Variants in FBXL2 observed in about 807,000 individuals in gnomAD.
FBXL2 encodes F-box and leucine rich repeat protein 2.
Under a neutral mutation model 69.2 loss-of-function variants are expected in FBXL2, and 38 were observed. The observed-to-expected ratio is 0.55, with a 90% CI of 0.42 to 0.72. The LOEUF is 0.72. Among genes scored for constraint, FBXL2 ranks in the 30% least tolerant of loss-of-function variants. The pLI is 0.00. For synonymous variants in FBXL2, 192 were observed against 201.3 expected, an observed-to-expected ratio of 0.95 and a Z score of 0.39; for missense variants, 354 against 520.3, an observed-to-expected ratio of 0.68 and a Z score of 3.11.
chr3:33,394,555 G>GCAGACATCTGCACAGTGCACAT (rs1289033868), intron 12 of FBXL2, among the ~76,000 whole-genome samples: 15 of 152,232 alleles, frequency 9.9e-5, no homozygotes, highest in African/African-American at 3.1e-4. Context: ...GAACTTATCA[G>GCAGACATCTGCACAGTGCACAT]CAGACATCTG....
At chr3:33,306,971 A>G (rs890109825) in intron 2 of FBXL2, among the ~76,000 whole-genome samples, 1 of 152,114 alleles carries the variant, frequency 6.6e-6, no homozygotes, top group Non-Finnish European at 1.5e-5. Flanking sequence ...GTTATATTTT[A>G]TATAGGAAAG....
At chr3:33,291,953 G>A (rs2125700580) in intron 1 of FBXL2, among the ~76,000 whole-genome samples, 1 of 152,198 alleles carries the variant, frequency 6.6e-6, no homozygotes, top group East Asian at 1.9e-4. Context: ...ATGAAACACA[G>A]ATTGAAAAAG....
At chr3:33,287,401 G>C (rs575795971) in intron 1 of FBXL2, among the ~76,000 whole-genome samples, 2 of 152,242 alleles carry the variant, frequency 1.3e-5, no homozygotes, top group South Asian at 2.1e-4. Context: ...TCTGTATCCA[G>C]TTCTGGGCTG....
chr3:33,307,889 A>G (rs989847999), intron 2 of FBXL2, among the ~76,000 whole-genome samples: 4 of 152,220 alleles, frequency 2.6e-5, no homozygotes, highest in Non-Finnish European at 5.9e-5. Context: ...GATTTTTTTA[A>G]AAAGTTATAA....
At chr3:33,377,356 A>G (rs1298327623) in intron 11 of FBXL2, 23 bp downstream of exon 11, 2 of 1,611,448 alleles carry the variant, frequency 1.2e-6, no homozygotes, top group South Asian at 2.2e-5. Flanking sequence ...TTTAAAGAAT[A>G]CAACCAAACT....
downstream of FBXL2, chr3:33,390,234 A>G: frequency 1.6e-6 from 2 of 1,236,850 alleles, no homozygotes; most frequent in Non-Finnish European, 2.3e-6. Flanking sequence ...AACATTTCAT[A>G]TGGTAAAATC....
At chr3:33,418,634 A>G in the FBXL2 span, among the ~76,000 whole-genome samples, 1 of 151,644 alleles carries the variant, frequency 6.6e-6, no homozygotes. Flanking sequence ...CGAGGCGGGC[A>G]GATCACCTGA....
intron 2 of FBXL2, chr3:33,300,703 A>G (rs1575120547): frequency 6.8e-6 from 1 of 146,864 alleles, no homozygotes; most frequent in Non-Finnish European, 1.5e-5. Context: ...TTTCCTAGCT[A>G]TGCTTTCTTT....
At chr3:33,390,572 G>A (rs2043719999), downstream of FBXL2, 1 of 603,250 alleles carries the variant, frequency 1.7e-6, no homozygotes, top group Non-Finnish European at 3.0e-6. Flanking sequence ...TAGACATTCT[G>A]CGAAGCCTGG....
At chr3:33,373,505 A>G (rs2042430623) in intron 7 of FBXL2, 73 bp from the exon 8 acceptor site, 5 of 1,606,092 alleles carry the variant, frequency 3.1e-6, no homozygotes, top group South Asian at 2.2e-5. Flanking sequence ...CTTGTGATGT[A>G]CTAAACTCAG....
intron 2 of FBXL2, among the ~76,000 whole-genome samples, chr3:33,357,867 T>A (rs932329851): frequency 9.2e-5 from 14 of 152,230 alleles, no homozygotes; most frequent in African/African-American, 3.1e-4. Context: ...GTAGCCCTTA[T>A]TATGCTTCTA....
At chr3:33,416,650 T>TA in the FBXL2 span, 2 of 841,618 alleles carry the variant, frequency 2.4e-6, no homozygotes, top group South Asian at 4.2e-5. Context: ...CTCATAAAGT[T>TA]AAAAAGTTGT....
chr3:33,354,426 A>G (rs2041052701), intron 2 of FBXL2, among the ~76,000 whole-genome samples: 1 of 151,950 alleles, frequency 6.6e-6, no homozygotes, highest in Non-Finnish European at 1.5e-5. Context: ...AGACAGGAGA[A>G]TTGCTTGAAC....
chr3:33,376,523 G>T (rs576566250), intron 10 of FBXL2, among the ~76,000 whole-genome samples: 2 of 152,180 alleles, frequency 1.3e-5, no homozygotes, highest in Admixed American at 1.3e-4. Flanking sequence ...TTGCTGTAAG[G>T]GAGTGTTTAA....
chr3:33,326,429 G>C (rs2038696903), intron 2 of FBXL2, among the ~76,000 whole-genome samples: 1 of 151,922 alleles, frequency 6.6e-6, no homozygotes, highest in African/African-American at 2.4e-5. Flanking sequence ...CTTGAACCCA[G>C]GAGGCGGAGC....
At chr3:33,411,232 T>C in the FBXL2 span, among the ~76,000 whole-genome samples, 2 of 152,224 alleles carry the variant, frequency 1.3e-5, no homozygotes, top group African/African-American at 4.8e-5. Context: ...TTAAAAATAA[T>C]GCTAGAAGGA....
At chr3:33,391,851 T>C (rs947023761), downstream of FBXL2, 2 of 152,360 alleles carry the variant, frequency 1.3e-5, no homozygotes, top group Non-Finnish European at 2.9e-5. Context: ...GACAACCCAA[T>C]GCATTTCAAG....
chr3:33,361,433 C>T (rs2041621143), intron 4 of FBXL2, among the ~76,000 whole-genome samples: 1 of 152,126 alleles, frequency 6.6e-6, no homozygotes, highest in South Asian at 2.1e-4. Context: ...ATCACCTGAG[C>T]CCAGGGGGCA....
At chr3:33,378,232 G>A (rs1459277624) in intron 12 of FBXL2, 85 bp downstream of exon 12, 9 of 1,336,516 alleles carry the variant, frequency 6.7e-6, no homozygotes, top group African/African-American at 5.7e-5. Flanking sequence ...ACACTGACTC[G>A]CTATCATCCT....
Sources: gnomAD v4.1 joint callset for allele counts (sites outside exome capture counted in the v4.1 genomes callset) on GRCh38, gnomAD v4.1.1 for gene constraint, MANE v1.5 for transcripts, NCBI Gene and HGNC (gene_info 2026-07-23, HGNC 2026-07-21) for gene names.